Variants in WBP2NL observed in about 807,000 individuals in gnomAD.
WBP2NL encodes the protein WBP2 N-terminal like, also known as postacrosomal sheath WW domain-binding protein.
WBP2NL carries 27 observed loss-of-function variants against 23.3 expected under a neutral mutation model. The ratio of observed to expected loss-of-function variants is 1.16; its 90% CI spans 0.85 to 1.60. The LOEUF is 1.60. Among genes scored for constraint, WBP2NL ranks in the 40% most tolerant of loss-of-function variants. The pLI, the probability that WBP2NL is intolerant of heterozygous loss-of-function variation, is 0.00. For synonymous variants in WBP2NL, 151 were observed against 145.9 expected (o/e 1.03, Z -0.25); for missense variants, 370 against 389.5 (o/e 0.95, Z 0.42).
intron 8 of WBP2NL, among the ~76,000 whole-genome samples, chr22:42,045,025 C>T (rs1488714652): frequency 1.3e-5 from 2 of 151,952 alleles, no homozygotes; most frequent in African/African-American, 2.4e-5. Flanking sequence ...AGATGGGCAT[C>T]TCACTATGTT....
At chr22:42,033,996 G>C (rs1035568635), downstream of WBP2NL, among the ~76,000 whole-genome samples, 1 of 152,226 alleles carries the variant, frequency 6.6e-6, no homozygotes, top group African/African-American at 2.4e-5. Flanking sequence ...CTTCTACCCA[G>C]GAACCTGTCT....
intron 8 of WBP2NL, among the ~76,000 whole-genome samples, chr22:42,049,695 CAAAACAAAACAAAAAAAAAAAAA>C (rs1481802557): frequency 1.3e-4 from 3 of 22,878 alleles, no homozygotes; most frequent in African/African-American, 4.4e-4. Context: ...GTCTCCAAAA[CAAAACAAAACAAAAAAAAAAAAA>C]AAAAAAAAAA....
chr22:42,036,594 G>C (rs1235268306), downstream of WBP2NL, among the ~76,000 whole-genome samples: 1 of 152,082 alleles, frequency 6.6e-6, no homozygotes, highest in Non-Finnish European at 1.5e-5. Flanking sequence ...GACAACATTT[G>C]TTATCTTTTA....
At chr22:42,052,238 C>G (rs1420036556) in intron 8 of WBP2NL, among the ~76,000 whole-genome samples, 3 of 152,094 alleles carry the variant, frequency 2.0e-5, no homozygotes, top group Admixed American at 6.6e-5. Flanking sequence ...GGAATACTTT[C>G]TGAGAACTTC....
chr22:42,050,854 T>C (rs1246238156), intron 8 of WBP2NL, among the ~76,000 whole-genome samples: 1 of 152,186 alleles, frequency 6.6e-6, no homozygotes, highest in Non-Finnish European at 1.5e-5. Flanking sequence ...CACCAAATTC[T>C]GGTGAGGATG....
downstream of WBP2NL, among the ~76,000 whole-genome samples, chr22:42,036,936 G>A (rs1000379171): frequency 6.6e-6 from 1 of 152,036 alleles, no homozygotes; most frequent in Admixed American, 6.5e-5. Context: ...TTAGTTTGAT[G>A]TAATCCCACT....
At chr22:42,049,458 AGGTG>A (rs1348540997) in intron 8 of WBP2NL, among the ~76,000 whole-genome samples, 3 of 152,174 alleles carry the variant, frequency 2.0e-5, no homozygotes, top group Non-Finnish European at 2.9e-5. Flanking sequence ...TGGGAGGCCA[AGGTG>A]GGTGGATCAC....
chr22:42,036,031 GTA>G (rs1925168585), downstream of WBP2NL, among the ~76,000 whole-genome samples: 2 of 152,114 alleles, frequency 1.3e-5, no homozygotes, highest in African/African-American at 4.8e-5. Flanking sequence ...TTGTATGTGT[GTA>G]TAATCACATT....
At chr22:42,057,869 G>GTATATATATATATATA (rs5845518) in intron 8 of WBP2NL, among the ~76,000 whole-genome samples, 2 of 32,536 alleles carry the variant, frequency 6.1e-5, no homozygotes, top group African/African-American at 3.0e-4. Context: ...GTGTGTGTAT[G>GTATATATATATATATA]TATATATATA....
At chr22:42,018,953 G>A (rs976519138) in intron 1 of WBP2NL, among the ~76,000 whole-genome samples, 6 of 150,770 alleles carry the variant, frequency 4.0e-5, no homozygotes, top group East Asian at 3.9e-4. Flanking sequence ...GGCCGGGCAC[G>A]GTGGCATGCC....
At chr22:42,020,196 T>G (rs975517896) in intron 4 of WBP2NL, 100 bp downstream of exon 4, 1 of 1,212,408 alleles carries the variant, frequency 8.2e-7, no homozygotes, top group African/African-American at 1.5e-5. Flanking sequence ...TTTTGTTGTT[T>G]TTGAGACAGG....
intron 5 of WBP2NL, among the ~76,000 whole-genome samples, chr22:42,023,877 C>T (rs988971952): frequency 3.3e-5 from 5 of 152,088 alleles, no homozygotes; most frequent in Non-Finnish European, 4.4e-5. Flanking sequence ...CTCCTGGGCT[C>T]AAGCAAGTCT....
At position 42,019,403 on chromosome 22, in the gene WBP2NL, T is replaced by G; in HGVS notation, c.155T>G (p.Phe52Cys). 3 of 1,613,976 alleles carry G rather than the reference T, an allele frequency of 1.9e-6. No homozygotes were observed. Among genetic ancestry groups the G allele is most frequent in the Non-Finnish European group, 1.7e-6 (2 of 1,179,872 alleles). Residue 52 changes from phenylalanine to cysteine, a missense_variant, in exon 2 of 6, where the codon TTT (phenylalanine) becomes TGT (cysteine). By Grantham distance (205) the Phe-to-Cys change is radical. Coordinates refer to ENST00000328823, the MANE Select transcript of WBP2NL (RefSeq NM_152613.3). ...VFSGRKTGTL[F>C]LTSYRVIFIT... is the part of the protein sequence containing the mutation. ...AGTGGTAGAAAGACAGGAACATTGT[T>G]TCTCACTTCATACCGGGTAATTTCT...
chr22:42,016,280 C>T (rs768612262), intron 1 of WBP2NL, among the ~76,000 whole-genome samples: 11 of 152,106 alleles, frequency 7.2e-5, no homozygotes, highest in South Asian at 4.1e-4. Flanking sequence ...CGGACCCGGC[C>T]GGAAATGTTT....
At chr22:42,024,554 T>C (rs1247301801) in intron 5 of WBP2NL, among the ~76,000 whole-genome samples, 1 of 152,210 alleles carries the variant, frequency 6.6e-6, no homozygotes, top group Non-Finnish European at 1.5e-5. Flanking sequence ...TGAAGTGGTA[T>C]CTCATTGTGG....
intron 5 of WBP2NL, among the ~76,000 whole-genome samples, chr22:42,025,361 C>T (rs2146798832): frequency 6.6e-6 from 1 of 152,332 alleles, no homozygotes; most frequent in South Asian, 2.1e-4. Flanking sequence ...AATAGCTCAT[C>T]AGCTATCGTT....
chr22:42,052,234 C>G (rs5758562), intron 8 of WBP2NL, among the ~76,000 whole-genome samples: 111,419 of 152,074 alleles, frequency 0.73, 41,438 homozygotes, highest in African/African-American at 0.87. Flanking sequence ...TTGAGGAATA[C>G]TTTCTGAGAA....
chr22:42,026,868 C>T lies in WBP2NL; in HGVS notation c.617C>T (p.Pro206Leu), dbSNP rs373310790. The change falls in exon 6 of 6, where the codon CCG becomes CTG. Residue 206 changes from proline (P) to leucine (L), a missense_variant. Pro to Leu is a moderately conservative substitution (Grantham distance 98). Coordinates refer to ENST00000328823, the MANE Select transcript of WBP2NL (RefSeq NM_152613.3). ...GCCCAACCCGTAGGAAATGAAGGCC[C>T]GCCTGTGGGATACAGAGCCTCACCT... ...YGAQPVGNEG[P>L]PVGYRASPVR... 1.4e-4 allele frequency: 224 copies of T among 1,613,378 alleles called. 1 individual carries two copies. The Admixed American group carries it at 2.1e-3, about 15-fold the overall frequency.
chr22:42,044,032 C>T (rs970218391), intron 8 of WBP2NL, among the ~76,000 whole-genome samples: 2 of 152,080 alleles, frequency 1.3e-5, no homozygotes, highest in Non-Finnish European at 2.9e-5. Flanking sequence ...CGCCCTGCAG[C>T]TAGAGTTTTA....
Sources: allele counts gnomAD v4.1 joint callset (sites outside exome capture counted in the v4.1 genomes callset), GRCh38; gene constraint gnomAD v4.1.1; transcripts MANE v1.5; gene names NCBI Gene and HGNC (gene_info 2026-07-23, HGNC 2026-07-21).